RBFOX1: variants seen among roughly 807,000 people sequenced by gnomAD.
The protein encoded by RBFOX1 is RNA binding fox-1 homolog 1.
A neutral mutation model predicts 57.7 loss-of-function variants in RBFOX1; 8 were observed. The ratio of observed to expected loss-of-function variants is 0.14; its 90% CI spans 0.08 to 0.25. The LOEUF (loss-of-function observed/expected upper bound fraction) is 0.25, where lower values mean the gene tolerates loss of function less well. Among genes scored for constraint, RBFOX1 ranks in the 10% least tolerant of loss-of-function variants. The pLI, the probability that RBFOX1 is intolerant of heterozygous loss-of-function variation, is 1.00. For missense variants in RBFOX1, 611 were observed against 548.5 expected (o/e 1.11, Z -1.14); for synonymous variants, 326 against 222.4 (o/e 1.47, Z -4.15).
intron 2 of RBFOX1, among the ~76,000 whole-genome samples, chr16:6,528,077 C>G (rs546430118): frequency 6.6e-6 from 1 of 152,264 alleles, no homozygotes. Context: ...TCAACAAAAT[C>G]TTGTCACCTT....
chr16:6,506,906 C>A (rs1020563630), intron 2 of RBFOX1, among the ~76,000 whole-genome samples: 1 of 152,098 alleles, frequency 6.6e-6, no homozygotes, highest in Non-Finnish European at 1.5e-5. Flanking sequence ...CCTTGGCCTC[C>A]CAAAGTGCTG....
chr16:6,908,646 C>T (rs1016412075), intron 3 of RBFOX1, among the ~76,000 whole-genome samples: 1 of 152,160 alleles, frequency 6.6e-6, no homozygotes, highest in Non-Finnish European at 1.5e-5. Flanking sequence ...CCTATTTCTT[C>T]CAGAATATGG....
chr16:6,823,510 G>T (rs936050166), intron 3 of RBFOX1, among the ~76,000 whole-genome samples: 3 of 151,614 alleles, frequency 2.0e-5, no homozygotes, highest in Non-Finnish European at 2.9e-5. Context: ...GTATGCCTCA[G>T]TCTCCCAAAG....
intron 4 of RBFOX1, among the ~76,000 whole-genome samples, chr16:7,429,880 G>A (rs1172487003): frequency 6.6e-6 from 1 of 152,118 alleles, no homozygotes; most frequent in Non-Finnish European, 1.5e-5. Flanking sequence ...CACTCTTCTA[G>A]AAGCTGCAGA....
intron 4 of RBFOX1, among the ~76,000 whole-genome samples, chr16:7,165,574 C>T (rs1601608895): frequency 6.6e-6 from 1 of 151,906 alleles, no homozygotes; most frequent in East Asian, 1.9e-4. Flanking sequence ...GGATTACGGG[C>T]ATGCACCACC....
At chr16:5,529,357 G>A (rs1411830645) in intron 2 of RBFOX1, among the ~76,000 whole-genome samples, 1 of 151,228 alleles carries the variant, frequency 6.6e-6, no homozygotes, top group Non-Finnish European at 1.5e-5. Context: ...TCATACTGGA[G>A]GAGGTGGACC....
chr16:5,954,053 G>A (rs2059574651), intron 4 of RBFOX1, among the ~76,000 whole-genome samples: 1 of 152,114 alleles, frequency 6.6e-6, no homozygotes. Flanking sequence ...GTAGAGGATG[G>A]GGCACTGCAC....
At chr16:7,551,381 C>G (rs2086478640) in intron 5 of RBFOX1, among the ~76,000 whole-genome samples, 1 of 152,132 alleles carries the variant, frequency 6.6e-6, no homozygotes, top group Admixed American at 6.5e-5. Context: ...GGCCCCAGCT[C>G]ACTGCCTTGA....
In RBFOX1 at chr16:6,552,038, T is replaced by C. The variant is rs370710576; in HGVS notation, c.-63-102565T>C. Among the ~76,000 whole-genome samples, 162 of 152,350 alleles carry C rather than the reference T, an allele frequency of 1.1e-3. 1 individual carries two copies. The highest frequency in any genetic ancestry group is 3.6e-3 in the African/African-American group (151 of 41,592). ...GTTCAGCAGGAGAGGAAAGGATGAATTTCCATGCCTCCCACCTTTGCTTGG... is the reference window on the plus strand; with the variant it reads ...GTTCAGCAGGAGAGGAAAGGATGAACTTCCATGCCTCCCACCTTTGCTTGG... On this transcript the variant is annotated intron_variant, in intron 2 of 15. Coordinates refer to ENST00000550418, the MANE Select transcript of RBFOX1 (RefSeq NM_018723.4).
At chr16:5,673,405 C>T (rs1381921329) in intron 3 of RBFOX1, among the ~76,000 whole-genome samples, 1 of 151,882 alleles carries the variant, frequency 6.6e-6, no homozygotes, top group Non-Finnish European at 1.5e-5. Flanking sequence ...AGAGGGAACC[C>T]ATCCTGAAGG....
At chr16:6,526,105 G>A (rs2096574018) in intron 2 of RBFOX1, among the ~76,000 whole-genome samples, 1 of 152,182 alleles carries the variant, frequency 6.6e-6, no homozygotes. Context: ...AGGGTAAGAA[G>A]ATAAAGTGAG....
intron 1 of RBFOX1, among the ~76,000 whole-genome samples, chr16:5,382,474 A>G (rs1488044530): frequency 2.0e-5 from 3 of 152,074 alleles, no homozygotes; most frequent in Admixed American, 6.5e-5. Context: ...ATATAATGGA[A>G]CTTCTGGAAA....
At chr16:7,034,835 TTTTTTC>T (rs2043846965) in intron 3 of RBFOX1, among the ~76,000 whole-genome samples, 1 of 85,992 alleles carries the variant, frequency 1.2e-5, no homozygotes, top group Non-Finnish European at 2.1e-5. Flanking sequence ...TACTTTTTTT[TTTTTTC>T]TTTTTTCTTT....
chr16:6,817,786 G>C (rs997340483), intron 3 of RBFOX1, among the ~76,000 whole-genome samples: 10 of 152,102 alleles, frequency 6.6e-5, no homozygotes, highest in African/African-American at 2.4e-4. Context: ...AAACTTCTAA[G>C]TTTCTGACAA....
Position 6,995,661 on chromosome 16 carries a change from G to C in RBFOX1, c.-15-56396G>C, listed in dbSNP as rs570089316. ...TGTAATCCCAGCTACTCAGAAGGCT[G>C]AGGCAGGAGAATCACTTGAACCTGG... On this transcript the variant is annotated intron_variant, in intron 3 of 15. Coordinates refer to ENST00000550418, the MANE Select transcript of RBFOX1 (RefSeq NM_018723.4). 2.7e-3 allele frequency among the ~76,000 whole-genome samples: 411 copies of C among 152,256 alleles called. 4 individuals are homozygous for C. Among genetic ancestry groups the C allele is most frequent in the African/African-American group, 9.5e-3 (395 of 41,544 alleles).
intron 3 of RBFOX1, among the ~76,000 whole-genome samples, chr16:6,997,325 CA>C (rs2092347807): frequency 6.6e-6 from 1 of 152,126 alleles, no homozygotes. Context: ...ACATACTTAT[CA>C]GTATGAAGTG....
At position 5,419,822 on chromosome 16, in the gene RBFOX1, G is replaced by A. The variant is rs548949992; in HGVS notation, c.220-47394G>A. ...GGGAGGGGCTCAAAGTGCTGCTGTGGTTTGAAGATGGAGAAGGAGTGTGGG... is the reference window on the plus strand; with the variant it reads ...GGGAGGGGCTCAAAGTGCTGCTGTGATTTGAAGATGGAGAAGGAGTGTGGG... On this transcript the variant is annotated intron_variant, in intron 1 of 2. Coordinates refer to the RBFOX1 transcript ENST00000585867. Among the ~76,000 whole-genome samples, 101 of 152,170 alleles carry A rather than the reference G, an allele frequency of 6.6e-4. 1 individual carries two copies. In the South Asian group the frequency reaches 0.02, roughly 30 times the overall value.
At chr16:7,460,826 C>G (rs1002687147) in intron 4 of RBFOX1, among the ~76,000 whole-genome samples, 9 of 152,122 alleles carry the variant, frequency 5.9e-5, no homozygotes, top group Non-Finnish European at 1.2e-4. Context: ...CATTTCCAGC[C>G]TCCCTCCCAA....
intron 13 of RBFOX1, among the ~76,000 whole-genome samples, chr16:7,671,075 C>CTGTT (rs1282281909): frequency 1.3e-5 from 2 of 152,140 alleles, no homozygotes; most frequent in African/African-American, 4.8e-5. Context: ...TGCAATTTTG[C>CTGTT]TGTTAGTTGA....
Sources: allele counts gnomAD v4.1 joint callset (sites outside exome capture counted in the v4.1 genomes callset), GRCh38; gene constraint gnomAD v4.1.1; transcripts MANE v1.5; gene names NCBI Gene and HGNC (gene_info 2026-07-23, HGNC 2026-07-21).